GRM7: variants seen among roughly 807,000 people sequenced by gnomAD.
GRM7 encodes glutamate metabotropic receptor 7.
GRM7 carries 35 observed loss-of-function variants against 84.5 expected under a neutral mutation model. The observed-to-expected ratio is 0.41, with a 90% CI of 0.32 to 0.55. GRM7 has a LOEUF of 0.55. Among genes scored for constraint, GRM7 ranks in the 20% least tolerant of loss-of-function variants. The pLI, the probability that GRM7 is intolerant of heterozygous loss-of-function variation, is 0.19. For missense variants in GRM7, 1,003 were observed against 1,194.6 expected (o/e 0.84, Z 2.36); for synonymous variants, 487 against 455.1 (o/e 1.07, Z -0.89).
intron 4 of GRM7, among the ~76,000 whole-genome samples, chr3:7,323,122 A>T (rs1015711219): frequency 1.3e-5 from 2 of 152,134 alleles, no homozygotes; most frequent in Admixed American, 6.6e-5. Context: ...GGCAAGAGGG[A>T]TGGATATGTG....
intron 1 of GRM7, among the ~76,000 whole-genome samples, chr3:7,109,196 A>T (rs1692759273): frequency 6.6e-6 from 1 of 152,164 alleles, no homozygotes; most frequent in Admixed American, 6.5e-5. Context: ...GTTGATCATT[A>T]TGTCTAATTG....
chr3:6,927,246 G>A (rs2125039829), intron 1 of GRM7, among the ~76,000 whole-genome samples: 1 of 152,106 alleles, frequency 6.6e-6, no homozygotes, highest in Non-Finnish European at 1.5e-5. Context: ...TGGCCAACAT[G>A]GTGAAACCTT....
chr3:7,413,813 A>G (rs1696045352), intron 4 of GRM7, among the ~76,000 whole-genome samples: 1 of 152,190 alleles, frequency 6.6e-6, no homozygotes, highest in Non-Finnish European at 1.5e-5. Context: ...GTTGGTGACT[A>G]AGACAATCTG....
intron 2 of GRM7, among the ~76,000 whole-genome samples, chr3:7,187,103 C>G (rs1020548386): frequency 5.3e-5 from 8 of 152,102 alleles, no homozygotes; most frequent in East Asian, 3.9e-4. Flanking sequence ...GAGACCCCAT[C>G]TCTTAAAAAA....
chr3:7,737,973 G>A (rs1489286415), intron 9 of GRM7, among the ~76,000 whole-genome samples: 8 of 151,394 alleles, frequency 5.3e-5, no homozygotes, highest in Non-Finnish European at 7.4e-5. Flanking sequence ...TCAGCCTCCC[G>A]AGTAGCTGGG....
chr3:7,370,687 T>C (rs774632548), intron 4 of GRM7, among the ~76,000 whole-genome samples: 1 of 152,106 alleles, frequency 6.6e-6, no homozygotes, highest in Non-Finnish European at 1.5e-5. Context: ...GTCTAAAAAA[T>C]ATGACTAGAA....
chr3:7,496,858 G>A (rs1286053691), intron 7 of GRM7, among the ~76,000 whole-genome samples: 1 of 151,928 alleles, frequency 6.6e-6, no homozygotes, highest in Non-Finnish European at 1.5e-5. Context: ...AGGAGAATGT[G>A]TTAAAAAATG....
intron 8 of GRM7, among the ~76,000 whole-genome samples, chr3:7,621,139 G>A (rs181502609): frequency 1.3e-5 from 2 of 152,186 alleles, no homozygotes; most frequent in East Asian, 3.9e-4. Context: ...AGGGATATGG[G>A]AATGATTGGA....
chr3:7,468,045 A>G (rs1440939838), intron 7 of GRM7, among the ~76,000 whole-genome samples: 1 of 152,236 alleles, frequency 6.6e-6, no homozygotes, highest in African/African-American at 2.4e-5. Context: ...AATCTGTTTA[A>G]TACAATTAAA....
chr3:7,192,187 A>C (rs1457475017), intron 2 of GRM7, among the ~76,000 whole-genome samples: 1 of 152,160 alleles, frequency 6.6e-6, no homozygotes, highest in Non-Finnish European at 1.5e-5. Context: ...GAATCAGTTG[A>C]GAAGACCTGG....
intron 2 of GRM7, among the ~76,000 whole-genome samples, chr3:7,161,456 C>T (rs1383883396): frequency 6.7e-6 from 1 of 149,418 alleles, no homozygotes; most frequent in Non-Finnish European, 1.5e-5. Flanking sequence ...GTGTGGGTCA[C>T]TTACTCTAAT....
At chr3:7,698,943 A>T (rs162770) in intron 9 of GRM7, among the ~76,000 whole-genome samples, 32 of 152,308 alleles carry the variant, frequency 2.1e-4, no homozygotes, top group African/African-American at 7.7e-4. Context: ...TTTTACAACC[A>T]AGGAGTAGCA....
chr3:7,164,512 C>T (rs1037394794), intron 2 of GRM7, among the ~76,000 whole-genome samples: 1 of 152,174 alleles, frequency 6.6e-6, no homozygotes, highest in South Asian at 2.1e-4. Flanking sequence ...ACCATCTGTC[C>T]CACATGACAT....
At chr3:7,473,033 T>C (rs936148470) in intron 7 of GRM7, among the ~76,000 whole-genome samples, 2 of 152,308 alleles carry the variant, frequency 1.3e-5, no homozygotes, top group South Asian at 4.1e-4. Flanking sequence ...TCTCACATTC[T>C]CTGGCTGCGA....
intron 8 of GRM7, among the ~76,000 whole-genome samples, chr3:7,629,840 T>C (rs958768597): frequency 6.6e-6 from 1 of 152,202 alleles, no homozygotes; most frequent in African/African-American, 2.4e-5. Flanking sequence ...CCCAGCCTAG[T>C]ACATTTAAAA....
At chr3:7,575,042 T>G (rs1280988059) in intron 7 of GRM7, among the ~76,000 whole-genome samples, 1 of 152,146 alleles carries the variant, frequency 6.6e-6, no homozygotes, top group Non-Finnish European at 1.5e-5. Context: ...AGCTTATTTT[T>G]GCTTTCTTTG....
chr3:7,683,610 G>A (rs1700465712), intron 9 of GRM7, among the ~76,000 whole-genome samples: 1 of 152,198 alleles, frequency 6.6e-6, no homozygotes, highest in Non-Finnish European at 1.5e-5. Flanking sequence ...CTGCACAAAA[G>A]CTGTCCAACA....
At chr3:7,618,211 T>A (rs1433200705) in intron 8 of GRM7, among the ~76,000 whole-genome samples, 1 of 152,150 alleles carries the variant, frequency 6.6e-6, no homozygotes, top group Admixed American at 6.6e-5. Context: ...GCTGGGGGTT[T>A]TAGTAAACCA....
At chr3:7,541,618 A>AT (rs1436134921) in intron 7 of GRM7, among the ~76,000 whole-genome samples, 10 of 152,178 alleles carry the variant, frequency 6.6e-5, no homozygotes, top group Non-Finnish European at 1.0e-4. Flanking sequence ...TGGCTCCAAC[A>AT]TAAAAAACCT....
Sources: allele counts gnomAD v4.1 joint callset (sites outside exome capture counted in the v4.1 genomes callset), GRCh38; gene constraint gnomAD v4.1.1; transcripts MANE v1.5; gene names NCBI Gene and HGNC (gene_info 2026-07-23, HGNC 2026-07-21).